The following SHQ1 variants were observed in gnomAD, a reference collection of about 807,000 sequenced individuals.
The protein encoded by SHQ1 is protein SHQ1 homolog.
In SHQ1, 49 loss-of-function variants were observed where a neutral mutation model predicts 53.8. The observed-to-expected ratio is 0.91, with a 90% CI of 0.72 to 1.16. SHQ1 has a LOEUF of 1.16. Among genes scored for constraint, SHQ1 ranks in the 50% most tolerant of loss-of-function variants. The pLI, the probability that SHQ1 is intolerant of heterozygous loss-of-function variation, is 0.00. For missense variants in SHQ1, 738 were observed against 683.1 expected, an observed-to-expected ratio of 1.08 and a Z score of -0.90; for synonymous variants, 243 against 251.0, an observed-to-expected ratio of 0.97 and a Z score of 0.30.
At chr3:72,815,473 C>T (rs1707284272) in intron 7 of SHQ1, 70 bp from the exon 8 acceptor site, 1 of 1,192,688 alleles carries the variant, frequency 8.4e-7, no homozygotes, top group South Asian at 1.2e-5. Context: ...CCAAACAAAT[C>T]CATTTATTCA....
rs116437141 is a variant in SHQ1 at position 72,797,816 on chromosome 3, T to A, written c.1061-4780A>T. Reference sequence around the variant, plus strand: ...ATTGTTACTCTGAGGTCGTACTTGATCTCTTTTGTTCCGACTATGTCACCG... The same window carrying A: ...ATTGTTACTCTGAGGTCGTACTTGAACTCTTTTGTTCCGACTATGTCACCG... On this transcript the variant is annotated intron_variant, in intron 9 of 10. Transcript: ENST00000325599. Among the ~76,000 whole-genome samples, 405 of 152,340 alleles carry A rather than the reference T, an allele frequency of 2.7e-3. 3 individuals carry two copies. The highest frequency in any genetic ancestry group is 9.4e-3 in the African/African-American group (392 of 41,578).
intron 7 of SHQ1, among the ~76,000 whole-genome samples, chr3:72,816,286 A>G (rs1263287848): frequency 1.3e-5 from 2 of 152,190 alleles, no homozygotes; most frequent in Non-Finnish European, 2.9e-5. Context: ...ACACGCGCAC[A>G]CTGAAAGAAG....
chr3:72,777,629 T>C, intron 10 of SHQ1, among the ~76,000 whole-genome samples: 1 of 152,246 alleles, frequency 6.6e-6, no homozygotes, highest in East Asian at 1.9e-4. Flanking sequence ...ATGGCCACTT[T>C]GGAAAACAGT....
At chr3:72,793,180 G>C in intron 9 of SHQ1, 144 bp from the exon 10 acceptor site, 3 of 646,348 alleles carry the variant, frequency 4.6e-6, no homozygotes, top group Non-Finnish European at 7.6e-6. Flanking sequence ...GTCCTATTAG[G>C]TCCAAACCCC....
At chr3:72,832,612 A>G (rs985724006) in intron 4 of SHQ1, 131 bp from the exon 5 acceptor site, 1 of 617,242 alleles carries the variant, frequency 1.6e-6, no homozygotes, top group African/African-American at 1.9e-5. Flanking sequence ...CACCTGTGAC[A>G]TTTAGATTCA....
At chr3:72,752,384 G>T (rs983461240) in intron 10 of SHQ1, among the ~76,000 whole-genome samples, 1 of 152,178 alleles carries the variant, frequency 6.6e-6, no homozygotes, top group Non-Finnish European at 1.5e-5. Context: ...GGATGATGGC[G>T]TGACGGAGCC....
rs546086897 is a variant in SHQ1 at position 72,788,253 on chromosome 3, C to T, written c.1181+4663G>A. Among the ~76,000 whole-genome samples the T allele has an allele frequency of 3.6e-3, 542 of 151,758 alleles. 2 individuals carry two copies. Among genetic ancestry groups the T allele is most frequent in the African/African-American group, 0.012 (507 of 41,332 alleles). The stretch of plus-strand genomic sequence containing the variant: ...GGAGTGTCTCTGTCTGGCCGCCCAT[C>T]GTCTGGGATGTGAGGAGCCCCTCTG... On this transcript the variant is annotated intron_variant, in intron 10 of 10. Transcript: ENST00000325599.
intron 10 of SHQ1, among the ~76,000 whole-genome samples, chr3:72,758,143 T>G (rs1393486660): frequency 2.0e-5 from 3 of 152,176 alleles, no homozygotes; most frequent in Non-Finnish European, 4.4e-5. Flanking sequence ...AATTCCTATC[T>G]TGAATCTGAG....
chr3:72,823,100 C>G (rs1707530962), intron 6 of SHQ1, among the ~76,000 whole-genome samples: 1 of 143,504 alleles, frequency 7.0e-6, no homozygotes, highest in Non-Finnish European at 1.5e-5. Flanking sequence ...AGTAAGCCGA[C>G]ATTGTGCCAC....
chr3:72,810,709 G>A (rs143773367), intron 9 of SHQ1, among the ~76,000 whole-genome samples: 108 of 152,200 alleles, frequency 7.1e-4, no homozygotes, highest in African/African-American at 2.4e-3. Context: ...CCTCTTCAGC[G>A]GCAATAATGG....
At chr3:72,843,922 A>G (rs1708251974) in intron 2 of SHQ1, among the ~76,000 whole-genome samples, 1 of 152,244 alleles carries the variant, frequency 6.6e-6, no homozygotes, top group African/African-American at 2.4e-5. Context: ...TCATGAGGAG[A>G]AAATTCAATT....
At position 72,751,496 on chromosome 3, in the gene SHQ1, G is replaced by GTACATATATATATATA. The variant is rs1372925082; in HGVS notation, c.1182-661_1182-660insTATATATATATATGTA. ...CACATATGTGTGTGTGTGTGTGTGTGTGTGTGTGTGTGTATATATATATAT... is the reference window on the plus strand; with the variant it reads ...CACATATGTGTGTGTGTGTGTGTGTGTACATATATATATATATGTGTGTGTGTGTATATATATATAT... On this transcript the variant is annotated intron_variant, in intron 10 of 10. Transcript: ENST00000325599. Among the ~76,000 whole-genome samples, 313 of 117,032 alleles carry GTACATATATATATATA rather than the reference G, an allele frequency of 2.7e-3. 16 individuals carry two copies. The highest frequency in any genetic ancestry group is 3.4e-3 in the Non-Finnish European group (202 of 59,210). The allele number at this position is 117,032 out of a possible 152,430, so 76.8% of individuals were successfully genotyped here.
At chr3:72,798,368 T>A (rs188273863) in intron 9 of SHQ1, among the ~76,000 whole-genome samples, 1 of 152,178 alleles carries the variant, frequency 6.6e-6, no homozygotes, top group South Asian at 2.1e-4. Flanking sequence ...AGAACTCTTG[T>A]TCACTCATGA....
chr3:72,784,473 C>G (rs972626773), intron 10 of SHQ1, among the ~76,000 whole-genome samples: 2 of 152,182 alleles, frequency 1.3e-5, no homozygotes, highest in Non-Finnish European at 2.9e-5. Context: ...TGAATGGATA[C>G]TGCCTTGTAC....
intron 1 of SHQ1, among the ~76,000 whole-genome samples, chr3:72,847,886 A>C (rs1203079997): frequency 6.6e-6 from 1 of 152,130 alleles, no homozygotes; most frequent in Non-Finnish European, 1.5e-5. Context: ...AGAACAGAAC[A>C]AGTCAGAACG....
intron 10 of SHQ1, among the ~76,000 whole-genome samples, chr3:72,789,560 A>T (rs1706371494): frequency 6.6e-6 from 1 of 152,246 alleles, no homozygotes; most frequent in Non-Finnish European, 1.5e-5. Context: ...TACCAATAAA[A>T]ATAAGTTAGA....
intron 5 of SHQ1, among the ~76,000 whole-genome samples, chr3:72,830,070 A>T (rs1003388500): frequency 4.0e-5 from 6 of 151,788 alleles, no homozygotes; most frequent in South Asian, 2.1e-4. Flanking sequence ...TTTATGGATC[A>T]TCTGTTACAT....
the SHQ1 span, among the ~76,000 whole-genome samples, chr3:72,736,802 A>AG: frequency 6.8e-6 from 1 of 147,118 alleles, no homozygotes; most frequent in Admixed American, 6.8e-5. Flanking sequence ...CAAAAAAAAA[A>AG]AAAAAAAGAA....
intron 10 of SHQ1, among the ~76,000 whole-genome samples, chr3:72,790,789 G>T (rs548890037): frequency 2.0e-5 from 3 of 152,264 alleles, no homozygotes; most frequent in South Asian, 2.1e-4. Context: ...AAAGCAACAC[G>T]CCTGTTTAGG....
Sources: allele counts gnomAD v4.1 joint callset (sites outside exome capture counted in the v4.1 genomes callset), GRCh38; gene constraint gnomAD v4.1.1; transcripts MANE v1.5; gene names NCBI Gene and HGNC (gene_info 2026-07-23, HGNC 2026-07-21).